TLN2: variants seen among roughly 807,000 people sequenced by gnomAD.
The protein encoded by TLN2 is talin 2, also known as talin-2.
Under a neutral mutation model 294.7 loss-of-function variants are expected in TLN2, and 118 were observed. The observed-to-expected ratio is 0.40, with a 90% CI of 0.34 to 0.47. The LOEUF (loss-of-function observed/expected upper bound fraction) is 0.47. Ranked by LOEUF, TLN2 falls within the 20% of genes least tolerant of loss-of-function variation. The pLI is 0.84. For synonymous variants in TLN2, 1,431 were observed against 1,304.5 expected (o/e 1.10, Z -2.09); for missense variants, 3,083 against 3,282.2 (o/e 0.94, Z 1.48).
intron 1 of TLN2, among the ~76,000 whole-genome samples, chr15:62,482,190 A>G (rs2038138700): frequency 6.6e-6 from 1 of 152,176 alleles, no homozygotes; most frequent in African/African-American, 2.4e-5. Flanking sequence ...ACCCCTTGCA[A>G]TATATAAAAA....
chr15:62,457,747 C>T (rs777138570), intron 1 of TLN2, among the ~76,000 whole-genome samples: 9 of 152,136 alleles, frequency 5.9e-5, no homozygotes, highest in Non-Finnish European at 1.2e-4. Flanking sequence ...AATGCTGCAC[C>T]TGCGTGGGAG....
Position 62,770,902 on chromosome 15 carries a change from C to T in TLN2, c.5197-62C>T, listed in dbSNP as rs937576130. 2.7e-4 allele frequency: 418 copies of T among 1,550,000 alleles called. 2 individuals carry two copies. The highest frequency in any genetic ancestry group is 3.6e-4 in the Middle Eastern group (2 of 5,552). The stretch of plus-strand genomic sequence containing the variant: ...CCCCTCCCGCGCCTGACTGTGGAGC[C>T]CCTGAAGGAGACACGTGTATTTACA... On this transcript the variant is annotated intron_variant, in intron 41 of 58. Transcript: ENST00000636159.
intron 50 of TLN2, among the ~76,000 whole-genome samples, chr15:62,804,992 C>T (rs2066173915): frequency 6.6e-6 from 1 of 152,144 alleles, no homozygotes; most frequent in African/African-American, 2.4e-5. Flanking sequence ...TTTATTTCAG[C>T]CTCTCTAAAG....
At chr15:62,690,204 C>A (rs2057713320) in intron 12 of TLN2, 1 of 160,334 alleles carries the variant, frequency 6.2e-6, no homozygotes, top group African/African-American at 2.4e-5. Flanking sequence ...ACGCTCCTCA[C>A]TTCCCAGACG....
intron 2 of TLN2, among the ~76,000 whole-genome samples, chr15:62,608,299 G>T (rs898911865): frequency 6.6e-6 from 1 of 152,198 alleles, no homozygotes; most frequent in Non-Finnish European, 1.5e-5. Context: ...TATCTAATAA[G>T]GGGTGGGGGT....
chr15:62,766,212 A>G (rs765270198), intron 40 of TLN2, 109 bp from the exon 41 acceptor site: 10 of 873,150 alleles, frequency 1.1e-5, no homozygotes, highest in African/African-American at 1.7e-5. Context: ...CAGGCATTCT[A>G]ATGTCTGCTT....
chr15:62,764,035 T>G lies in TLN2; in HGVS notation c.5094+340T>G, dbSNP rs147734688. ...CACATCAGTAGAGTGGACCTAGGTA[T>G]GTAAATTTTGAATAATTCTCTGTTG... On this transcript the variant is annotated intron_variant, in intron 40 of 58. Transcript: ENST00000636159. Among the ~76,000 whole-genome samples the G allele has an allele frequency of 2.1e-3, 324 of 152,298 alleles. 1 individual carries two copies. Among genetic ancestry groups the G allele is most frequent in the Middle Eastern group, 0.01 (3 of 294 alleles).
At chr15:62,781,945 C>T (rs988600680) in intron 44 of TLN2, among the ~76,000 whole-genome samples, 7 of 152,102 alleles carry the variant, frequency 4.6e-5, no homozygotes, top group African/African-American at 1.2e-4. Flanking sequence ...AGCAGTTATA[C>T]GAAAGATGAC....
In TLN2 at chr15:62,492,566, A is replaced by G. The variant is rs956006727; in HGVS notation, c.-237-97121A>G. On this transcript the variant is annotated intron_variant, in intron 1 of 58. Transcript: ENST00000636159. ...CTCAAAAAAAAAAAAAAAAAGAAAAAAAGAAAAAAAACTATTCCAATAATC... is the reference window on the plus strand; with the variant it reads ...CTCAAAAAAAAAAAAAAAAAGAAAAGAAGAAAAAAAACTATTCCAATAATC... Among the ~76,000 whole-genome samples the G allele has an allele frequency of 2.2e-3, 328 of 151,340 alleles. 2 individuals carry two copies. Among genetic ancestry groups the G allele is most frequent in the African/African-American group, 7.6e-3 (316 of 41,332 alleles).
chr15:62,635,848 T>C (rs2050323690), intron 3 of TLN2, among the ~76,000 whole-genome samples: 1 of 152,186 alleles, frequency 6.6e-6, no homozygotes, highest in Admixed American at 6.5e-5. Context: ...CATTTTCCCA[T>C]TTTCCTGCAT....
chr15:62,718,313 C>T (rs2059912999), intron 24 of TLN2, among the ~76,000 whole-genome samples: 1 of 152,240 alleles, frequency 6.6e-6, no homozygotes, highest in Non-Finnish European at 1.5e-5. Flanking sequence ...AGTCCAGTTG[C>T]AAAGCCACTG....
intron 44 of TLN2, among the ~76,000 whole-genome samples, chr15:62,781,473 A>G (rs918054849): frequency 3.3e-5 from 5 of 152,224 alleles, no homozygotes; most frequent in African/African-American, 1.2e-4. Context: ...GGAATTAAAG[A>G]TGGCTGAGAC....
intron 52 of TLN2, among the ~76,000 whole-genome samples, chr15:62,817,525 C>T (rs1305688244): frequency 6.6e-6 from 1 of 152,268 alleles, no homozygotes; most frequent in Non-Finnish European, 1.5e-5. Context: ...TTGACTAATC[C>T]ATTTGTGCGT....
intron 54 of TLN2, chr15:62,829,859 C>T (rs185220731): frequency 6.6e-6 from 1 of 152,290 alleles, no homozygotes; most frequent in East Asian, 1.9e-4. Context: ...GTTTTGATTT[C>T]TGGATCCCAC....
At chr15:62,642,445 G>C (rs80344143) in intron 3 of TLN2, among the ~76,000 whole-genome samples, 3,934 of 152,284 alleles carry the variant, frequency 0.026, 167 homozygotes, top group African/African-American at 0.087. Context: ...CCCGGAGAGG[G>C]GTTCGGGTGC....
rs771862000 is a variant in TLN2 at position 62,708,640 on chromosome 15, A to G, written c.2311A>G (p.Ser771Gly). 1 of 1,614,228 alleles carries G rather than the reference A, an allele frequency of 6.2e-7. No individual in the cohort carries two copies. The highest frequency in any genetic ancestry group is 8.5e-7 in the Non-Finnish European group (1 of 1,180,042). Residue 771 changes from serine (S) to glycine (G), a missense_variant, in exon 21 of 59, where the codon AGC (serine) becomes GGC (glycine). Coordinates refer to ENST00000636159, the MANE Select transcript of TLN2 (RefSeq NM_015059.3). ...CGATAGTGAGCTCCTGAAGCAGGTC[A>G]GCGCAGCGGCCAGCGTGGTCAGCCA... ...TTDSELLKQVSAAASVVSQAL... is the reference protein window; with the variant it reads ...TTDSELLKQVGAAASVVSQAL...
At chr15:62,616,081 T>G (rs2048296230) in intron 2 of TLN2, among the ~76,000 whole-genome samples, 1 of 152,236 alleles carries the variant, frequency 6.6e-6, no homozygotes, top group African/African-American at 2.4e-5. Context: ...TGGTGTCTCT[T>G]TGGTACATAG....
chr15:62,698,706 C>G (rs369453029), intron 15 of TLN2, 48 bp from the exon 16 acceptor site: 1 of 1,498,258 alleles, frequency 6.7e-7, no homozygotes, highest in Non-Finnish European at 9.2e-7. Context: ...AGGGCCATGT[C>G]GGTCCCAGGC....
At chr15:62,517,755 T>A (rs533095384) in intron 1 of TLN2, among the ~76,000 whole-genome samples, 1 of 152,332 alleles carries the variant, frequency 6.6e-6, no homozygotes, top group South Asian at 2.1e-4. Flanking sequence ...CTAAGGAACA[T>A]ACTGATTTGA....
Sources: allele counts gnomAD v4.1 joint callset (sites outside exome capture counted in the v4.1 genomes callset), GRCh38; gene constraint gnomAD v4.1.1; transcripts MANE v1.5; gene names NCBI Gene and HGNC (gene_info 2026-07-23, HGNC 2026-07-21).